The following RASGRF2 variants were observed in gnomAD, a reference collection of about 807,000 sequenced individuals.
RASGRF2 encodes Ras protein specific guanine nucleotide releasing factor 2.
Under a neutral mutation model 151.0 loss-of-function variants are expected in RASGRF2, and 76 were observed. That is an observed-to-expected ratio of 0.50 (90% CI 0.42 to 0.61). The LOEUF is 0.61. Among genes scored for constraint, RASGRF2 ranks in the 20% least tolerant of loss-of-function variants. The pLI is 0.00. For synonymous variants in RASGRF2, 504 were observed against 566.5 expected, an observed-to-expected ratio of 0.89 and a Z score of 1.57; for missense variants, 1,148 against 1,564.6, an observed-to-expected ratio of 0.73 and a Z score of 4.49.
At chr5:81,090,318 T>C (rs1034617381) in intron 9 of RASGRF2, among the ~76,000 whole-genome samples, 1 of 152,236 alleles carries the variant, frequency 6.6e-6, no homozygotes, top group Non-Finnish European at 1.5e-5. Context: ...ACAGAAATTT[T>C]GTTGGAAGTT....
At chr5:81,088,688 A>G (rs1441471019) in intron 9 of RASGRF2, 2 of 152,190 alleles carry the variant, frequency 1.3e-5, no homozygotes, top group African/African-American at 4.8e-5. Flanking sequence ...ATAATGTACA[A>G]TTTCTTAAAG....
intron 17 of RASGRF2, among the ~76,000 whole-genome samples, chr5:81,166,022 G>A (rs769321112): frequency 6.6e-6 from 1 of 152,072 alleles, no homozygotes. Flanking sequence ...GACAAGATGG[G>A]ATTGTAGTCT....
chr5:81,185,281 C>A (rs565950451), intron 18 of RASGRF2, among the ~76,000 whole-genome samples: 51 of 152,258 alleles, frequency 3.3e-4, no homozygotes, highest in Non-Finnish European at 6.5e-4. Context: ...AGCTAGCCTC[C>A]GTGTTAAGGT....
intron 1 of RASGRF2, among the ~76,000 whole-genome samples, chr5:81,033,718 C>T (rs1232614176): frequency 6.6e-6 from 1 of 152,160 alleles, no homozygotes; most frequent in Non-Finnish European, 1.5e-5. Flanking sequence ...TAGGCAGTAC[C>T]ATTCAGGACA....
At chr5:80,980,070 T>C (rs1580162569) in intron 1 of RASGRF2, among the ~76,000 whole-genome samples, 1 of 152,344 alleles carries the variant, frequency 6.6e-6, no homozygotes, top group East Asian at 1.9e-4. Context: ...GAATGGCTTA[T>C]TTGACAGTTT....
At chr5:81,132,328 G>A (rs140740878) in intron 17 of RASGRF2, among the ~76,000 whole-genome samples, 13 of 152,270 alleles carry the variant, frequency 8.5e-5, no homozygotes, top group African/African-American at 3.1e-4. Context: ...AAACTGTACT[G>A]TCCATATATT....
intron 18 of RASGRF2, among the ~76,000 whole-genome samples, chr5:81,193,445 G>C (rs1448969013): frequency 2.0e-5 from 3 of 152,172 alleles, no homozygotes; most frequent in Non-Finnish European, 4.4e-5. Context: ...CTCTGCAACT[G>C]TTTGACATTT....
At chr5:81,188,789 T>C (rs899756472) in intron 18 of RASGRF2, among the ~76,000 whole-genome samples, 1 of 152,204 alleles carries the variant, frequency 6.6e-6, no homozygotes, top group African/African-American at 2.4e-5. Context: ...GTTCCACCGA[T>C]AGCAAATGGC....
At chr5:81,150,492 C>T (rs1002231490) in intron 17 of RASGRF2, among the ~76,000 whole-genome samples, 3 of 152,130 alleles carry the variant, frequency 2.0e-5, no homozygotes, top group East Asian at 1.9e-4. Flanking sequence ...AGATCAGGGA[C>T]GGTGTGTTCA....
intron 8 of RASGRF2, 48 bp from the exon 9 acceptor site, chr5:81,086,787 G>T: frequency 6.7e-7 from 1 of 1,481,584 alleles, no homozygotes; most frequent in Non-Finnish European, 9.4e-7. Context: ...ACATGCTAGG[G>T]CAAGAGAAAA....
chr5:81,102,014 A>G (rs1752710329), intron 12 of RASGRF2, among the ~76,000 whole-genome samples: 1 of 152,230 alleles, frequency 6.6e-6, no homozygotes, highest in Admixed American at 6.5e-5. Context: ...CCCTCTAGCT[A>G]TAAAAACAGA....
rs549741340 is a variant in RASGRF2 at position 81,057,140 on chromosome 5, A to C, written c.396-10892A>C. Among the ~76,000 whole-genome samples the C allele has an allele frequency of 1.7e-4, 26 of 152,188 alleles. No individual in the cohort carries two copies. In the South Asian group the frequency reaches 5.0e-3, roughly 29 times the overall value. ...ATTTAGCCCATTTACATTTAAGGTT[A>C]ATATTGTTATGTGTGAATTTGATCC... On this transcript the variant is annotated intron_variant, in intron 2 of 26. Transcript: ENST00000265080.
At chr5:81,133,535 T>C (rs2112584858) in intron 17 of RASGRF2, among the ~76,000 whole-genome samples, 1 of 152,354 alleles carries the variant, frequency 6.6e-6, no homozygotes, top group Non-Finnish European at 1.5e-5. Context: ...TCAGAGCACA[T>C]CATTGCACTT....
chr5:81,128,188 A>AG (rs1294312149), intron 17 of RASGRF2, among the ~76,000 whole-genome samples: 3 of 152,156 alleles, frequency 2.0e-5, no homozygotes, highest in Non-Finnish European at 4.4e-5. Flanking sequence ...TCAGTTGCAC[A>AG]GGAAGAATAA....
chr5:80,980,194 T>C (rs1748252403), intron 1 of RASGRF2, among the ~76,000 whole-genome samples: 1 of 152,252 alleles, frequency 6.6e-6, no homozygotes, highest in East Asian at 1.9e-4. Flanking sequence ...TACTTTACTT[T>C]ACTGTTGGTA....
chr5:81,031,648 C>T (rs1750252913), intron 1 of RASGRF2, among the ~76,000 whole-genome samples: 1 of 152,152 alleles, frequency 6.6e-6, no homozygotes, highest in South Asian at 2.1e-4. Flanking sequence ...ACATTTAAAG[C>T]AGTGTGTATA....
chr5:81,117,697 C>T (rs186377781), intron 15 of RASGRF2, among the ~76,000 whole-genome samples: 28 of 152,198 alleles, frequency 1.8e-4, no homozygotes, highest in Admixed American at 3.9e-4. Flanking sequence ...CTGATAAGTC[C>T]GAAGTCCAGA....
chr5:81,001,283 A>G (rs933824769), intron 1 of RASGRF2, among the ~76,000 whole-genome samples: 4 of 152,208 alleles, frequency 2.6e-5, no homozygotes, highest in African/African-American at 9.7e-5. Context: ...AATCAAGGAT[A>G]AGGTACTAGG....
rs1370351255 is a variant in RASGRF2, at chr5:81,215,857, T to G, written c.3355-19T>G. On this transcript the variant is annotated intron_variant, in intron 23 of 26. Coordinates refer to ENST00000265080, the MANE Select transcript of RASGRF2 (RefSeq NM_006909.3). ...ACCATAGTATTTTCATCACACTAAGTTTTTTCTTTTCTTTTTAGACAAAAG... is the reference window on the plus strand; with the variant it reads ...ACCATAGTATTTTCATCACACTAAGGTTTTTCTTTTCTTTTTAGACAAAAG... The G allele has an allele frequency of 3.3e-6, 5 of 1,509,758 alleles. No individual in the cohort carries two copies. The highest frequency in any genetic ancestry group is 4.4e-6 in the Non-Finnish European group (5 of 1,139,632). The allele number at this position is 1,509,758 out of a possible 1,614,324, so 93.5% of individuals were successfully genotyped here.
Sources: allele counts gnomAD v4.1 joint callset (sites outside exome capture counted in the v4.1 genomes callset), GRCh38; gene constraint gnomAD v4.1.1; transcripts MANE v1.5; gene names NCBI Gene and HGNC (gene_info 2026-07-23, HGNC 2026-07-21).